RILPL1: variants seen among roughly 807,000 people sequenced by gnomAD.
RILPL1 encodes Rab interacting lysosomal protein like 1.
RILPL1 carries 33 observed loss-of-function variants against 50.3 expected under a neutral mutation model. That is an observed-to-expected ratio of 0.66 (90% CI 0.50 to 0.88). The LOEUF (loss-of-function observed/expected upper bound fraction) is 0.88. RILPL1 is among the 40% of genes least tolerant of loss of function. RILPL1 has a pLI of 0.00. For missense variants in RILPL1, 418 were observed against 542.5 expected (o/e 0.77, Z 2.28); for synonymous variants, 205 against 228.6 (o/e 0.90, Z 0.93).
chr12:123,495,158 C>A (rs1339771811), intron 4 of RILPL1, among the ~76,000 whole-genome samples: 2 of 151,950 alleles, frequency 1.3e-5, no homozygotes, highest in Admixed American at 1.3e-4. Flanking sequence ...GAGGCCATTT[C>A]TTTTGACTGG....
chr12:123,507,255 C>G (rs183072088), intron 2 of RILPL1, among the ~76,000 whole-genome samples: 44 of 152,306 alleles, frequency 2.9e-4, no homozygotes, highest in African/African-American at 9.6e-4. Flanking sequence ...GTACAACCCA[C>G]ACTGTGCAGC....
intron 2 of RILPL1, among the ~76,000 whole-genome samples, chr12:123,502,670 C>A (rs1414875111): frequency 2.0e-5 from 3 of 152,248 alleles, no homozygotes; most frequent in African/African-American, 4.8e-5. Context: ...TGGCACACCG[C>A]AGGTGCCCAT....
Position 123,499,462 on chromosome 12 carries a change from C to T in RILPL1, c.535G>A (p.Ala179Thr), listed in dbSNP as rs1246793683. Residue 179 changes from alanine to threonine, a missense_variant, in exon 3 of 7, where the codon GCC (alanine) becomes ACC (threonine). By Grantham distance (58) the Ala-to-Thr change is moderately conservative. Coordinates refer to ENST00000376874, the MANE Select transcript of RILPL1 (RefSeq NM_178314.5). Reference sequence around the variant, plus strand: ...TTCAGGCCCAGCTCCCTGTCCTTGGCGCGGATCTCGTCGCGTTGTTTGTCC... The same window carrying T: ...TTCAGGCCCAGCTCCCTGTCCTTGGTGCGGATCTCGTCGCGTTGTTTGTCC... ...VVDKQRDEIR[A>T]KDRELGLKNE... 2.2e-5 allele frequency: 35 copies of T among 1,613,822 alleles called. No individual in the cohort carries two copies. The highest frequency in any genetic ancestry group is 2.7e-5 in the Non-Finnish European group (32 of 1,179,872).
At chr12:123,487,717 T>C (rs1882438817) in intron 4 of RILPL1, among the ~76,000 whole-genome samples, 1 of 152,244 alleles carries the variant, frequency 6.6e-6, no homozygotes, top group Non-Finnish European at 1.5e-5. Context: ...CTTTGGCTAA[T>C]GTGAATAGCA....
At chr12:123,497,102 C>T (rs1593557648) in intron 4 of RILPL1, among the ~76,000 whole-genome samples, 1 of 152,378 alleles carries the variant, frequency 6.6e-6, no homozygotes, top group South Asian at 2.1e-4. Context: ...CTCATCCGTG[C>T]TGCCGCGTGG....
rs995618928 is a variant in RILPL1, at chr12:123,527,804, G to A, written c.310-4159C>T. 3.9e-5 allele frequency among the ~76,000 whole-genome samples: 6 copies of A among 152,098 alleles called. No homozygotes were observed. The South Asian group carries it at 8.3e-4, about 21-fold the overall frequency. On this transcript the variant is annotated intron_variant, in intron 1 of 6. Coordinates refer to ENST00000376874, the MANE Select transcript of RILPL1 (RefSeq NM_178314.5). ...TATGAGGGAGATGGGAAGAAGCTAC[G>A]CTGCTGGCTTTGAAGATGGAGGAAG...
In RILPL1 at chr12:123,498,479, C is replaced by A; in HGVS notation, c.801+65G>T. The A allele has an allele frequency of 6.9e-7, 1 of 1,451,744 alleles. No homozygotes were observed. The highest frequency in any genetic ancestry group is 1.1e-5 in the South Asian group (1 of 86,968). The allele number at this position is 1,451,744 out of a possible 1,614,324, so 89.9% of individuals were successfully genotyped here. ...TAATGGGGAAAACAAGGCAACCCTG[C>A]CTGCCTTAAGCCAACCCCCAGACTG... is the stretch of plus-strand genomic sequence containing the variant. On this transcript the variant is annotated intron_variant, in intron 4 of 6. Transcript: ENST00000376874. This position sits in a 1 kb window ranked among gnomAD's most constrained non-coding sequence, Gnocchi z 4.3.
Position 123,533,463 on chromosome 12 carries a change from G to A in RILPL1, c.20C>T (p.Ser7Leu), listed in dbSNP as rs1008581802. The A allele has an allele frequency of 1.6e-5, 25 of 1,527,964 alleles. No individual in the cohort carries two copies. The highest frequency in any genetic ancestry group is 1.2e-4 in the Admixed American group (6 of 50,586). The allele number at this position is 1,527,964 out of a possible 1,614,324, so 94.7% of individuals were successfully genotyped here. A position where few individuals can be genotyped will look rare whatever the true frequency, so the allele number is the denominator to read the frequency against. The change falls in exon 1 of 7, where the codon TCG becomes TTG. Residue 7 changes from serine to leucine, a missense_variant. Physicochemically the swap from Ser to Leu is moderately radical, Grantham distance 145 (BLOSUM62 -2). Transcript: ENST00000376874. The surrounding 1 kb of genome is among the most constrained non-coding windows in gnomAD (Gnocchi z 6.2). ...CAGCGCCGACTCGGCCGCCAGCGCC[G>A]ACCCCCGCTCCTCCTCCATGGCCAC... MEEERG[S>L]ALAAESALEK...
intron 6 of RILPL1, among the ~76,000 whole-genome samples, chr12:123,483,236 A>C (rs1434341019): frequency 6.6e-6 from 1 of 152,230 alleles, no homozygotes; most frequent in Non-Finnish European, 1.5e-5. Flanking sequence ...CTGCAAGCAC[A>C]AGGCTGTCTT....
chr12:123,491,771 G>A lies in RILPL1; in HGVS notation c.802-5966C>T, dbSNP rs11507746. On this transcript the variant is annotated intron_variant, in intron 4 of 6. Transcript: ENST00000376874. This position sits in a 1 kb window ranked among gnomAD's most constrained non-coding sequence, Gnocchi z 4.0. ...ACACCTGTAATCCCAGCAGGAGGCC[G>A]AAGCAGGCGGATCATTTGAGGTCAA... Among the ~76,000 whole-genome samples, 11,385 of 152,072 alleles carry A rather than the reference G, an allele frequency of 0.075. 1,338 individuals are homozygous for A. The highest frequency in any genetic ancestry group is 0.25 in the African/African-American group (10,360 of 41,420).
Position 123,485,686 on chromosome 12 carries a change from G to A in RILPL1, c.921C>T (p.Asn307=), listed in dbSNP as rs374887082. The A allele has an allele frequency of 2.6e-5, 42 of 1,613,782 alleles. No homozygotes were observed. In the African/African-American group the frequency reaches 4.0e-4, roughly 15 times the overall value. The stretch of plus-strand genomic sequence containing the variant: ...GCAAGAACACCTTGGACTTGAGCTC[G>A]TTCCTCTCGTGCAGCACGTCCCGCA... ...QELRDVLHER[N]ELKSKVFLLQ... is the part of the protein sequence containing the mutation. Residue 307 remains asparagine (N), a synonymous_variant, in exon 5 of 7, where the codon AAC becomes AAT. Coordinates refer to ENST00000376874, the MANE Select transcript of RILPL1 (RefSeq NM_178314.5). This position sits in a 1 kb window ranked among gnomAD's most constrained non-coding sequence, Gnocchi z 4.0.
Position 123,472,433 on chromosome 12 carries a change from G to A in RILPL1, c.*105C>T. The A allele has an allele frequency of 8.0e-7, 1 of 1,247,402 alleles. No individual in the cohort carries two copies. The highest frequency in any genetic ancestry group is 1.1e-6 in the Non-Finnish European group (1 of 898,482). 77.3% of individuals were successfully genotyped at this position (1,247,402 alleles called of 1,614,324 possible). A position where few individuals can be genotyped will look rare whatever the true frequency, so the allele number is the denominator to read the frequency against. ...TGTTTGAGGGGTCAGTTTTCAGGGT[G>A]CATCTGCACCGAGAGGCTTGAGGCA... On this transcript the variant is annotated 3_prime_UTR_variant, in exon 7 of 7. Coordinates refer to ENST00000376874, the MANE Select transcript of RILPL1 (RefSeq NM_178314.5).
intron 6 of RILPL1, among the ~76,000 whole-genome samples, chr12:123,478,317 G>C (rs1052142494): frequency 6.6e-6 from 1 of 151,936 alleles, no homozygotes; most frequent in Non-Finnish European, 1.5e-5. Flanking sequence ...GTGTCTTGCT[G>C]TGCTCACTGA....
Position 123,533,149 on chromosome 12 carries a change from C to G in RILPL1, c.309+25G>C. ...GGTCCCCGCGGTCCCACTGCCCGGA[C>G]GGACAGACCGAGGCCGCCGCCCACC... On this transcript the variant is annotated intron_variant, in intron 1 of 6. Coordinates refer to ENST00000376874, the MANE Select transcript of RILPL1 (RefSeq NM_178314.5). The surrounding 1 kb of genome is among the most constrained non-coding windows in gnomAD (Gnocchi z 6.2). 1.3e-6 allele frequency: 2 copies of G among 1,508,360 alleles called. No homozygotes were observed. The highest frequency in any genetic ancestry group is 8.9e-7 in the Non-Finnish European group (1 of 1,128,546). 93.4% of individuals were successfully genotyped at this position (1,508,360 alleles called of 1,614,324 possible).
intron 1 of RILPL1, among the ~76,000 whole-genome samples, chr12:123,524,821 G>T (rs1885193940): frequency 6.6e-6 from 1 of 152,134 alleles, no homozygotes; most frequent in African/African-American, 2.4e-5. Context: ...TTCTTTTGGG[G>T]GGTGATGAAA....
At chr12:123,531,257 C>T (rs942962171) in intron 1 of RILPL1, among the ~76,000 whole-genome samples, 4 of 152,074 alleles carry the variant, frequency 2.6e-5, no homozygotes, top group Non-Finnish European at 5.9e-5. Flanking sequence ...TGGCCCTGAG[C>T]GCACGGTGTT....
At chr12:123,507,277 C>T (rs894804018) in intron 2 of RILPL1, among the ~76,000 whole-genome samples, 1 of 152,116 alleles carries the variant, frequency 6.6e-6, no homozygotes, top group Non-Finnish European at 1.5e-5. Flanking sequence ...ATTTGAAAGA[C>T]TGAGGCCAGG....
chr12:123,517,624 G>C (rs1022386062), intron 2 of RILPL1, among the ~76,000 whole-genome samples: 2 of 151,958 alleles, frequency 1.3e-5, no homozygotes, highest in African/African-American at 4.8e-5. Flanking sequence ...GCTTTGCCAT[G>C]TTGCCCAGGC....
intron 2 of RILPL1, among the ~76,000 whole-genome samples, chr12:123,512,016 CTGTG>C (rs1309856609): frequency 2.7e-5 from 2 of 74,888 alleles, no homozygotes; most frequent in African/African-American, 5.4e-5. Context: ...TGTGTGAGGT[CTGTG>C]TGTGTAGTGT....
Sources: gnomAD v4.1 joint callset for allele counts (sites outside exome capture counted in the v4.1 genomes callset) on GRCh38, gnomAD v4.1.1 for gene constraint, Gnocchi (gnomAD v3.1) non-coding constraint, MANE v1.5 for transcripts, NCBI Gene and HGNC (gene_info 2026-07-23, HGNC 2026-07-21) for gene names.